The following SEC14L6 variants were observed in gnomAD, a reference collection of about 807,000 sequenced individuals.
The protein encoded by SEC14L6 is SEC14-like protein 6.
Under a neutral mutation model 54.1 loss-of-function variants are expected in SEC14L6, and 40 were observed. The ratio of observed to expected loss-of-function variants is 0.74; its 90% confidence interval spans 0.57 to 0.96. SEC14L6 has a LOEUF of 0.96. SEC14L6 is among the 40% of genes least tolerant of loss of function. The pLI, the probability that SEC14L6 is intolerant of heterozygous loss-of-function variation, is 0.00. For synonymous variants in SEC14L6, 171 were observed against 198.4 expected, an observed-to-expected ratio of 0.86 and a Z score of 1.16; for missense variants, 471 against 498.3, an observed-to-expected ratio of 0.95 and a Z score of 0.52.
At chr22:30,540,367 CTTTTTTTTTTT>C (rs753718105) in intron 1 of SEC14L6, among the ~76,000 whole-genome samples, 6 of 114,062 alleles carry the variant, frequency 5.3e-5, no homozygotes, top group South Asian at 2.9e-4. Flanking sequence ...CTTTTTGTTC[CTTTTTTTTTTT>C]TTTTTTTTTT....
chr22:30,533,138 G>A (rs1937038760), intron 3 of SEC14L6: 13 of 985,186 alleles, frequency 1.3e-5, no homozygotes, highest in East Asian at 1.1e-4. Flanking sequence ...GCCCCCTCCC[G>A]CATGGCTGCC....
intron 5 of SEC14L6, chr22:30,532,263 T>C: frequency 1.0e-6 from 1 of 985,460 alleles, no homozygotes; most frequent in Non-Finnish European, 1.2e-6. Context: ...CCTGTCCCTC[T>C]CGTCCAATGA....
chr22:30,525,996 C>T (rs1434773050), intron 8 of SEC14L6, 64 bp from the exon 9 acceptor site: 2 of 1,541,592 alleles, frequency 1.3e-6, no homozygotes, highest in Non-Finnish European at 1.8e-6. Flanking sequence ...GCAGAGGGGG[C>T]TGAGCCCAGG....
intron 2 of SEC14L6, 56 bp downstream of exon 2, chr22:30,538,771 A>G: frequency 8.2e-7 from 1 of 1,217,102 alleles, no homozygotes; most frequent in Non-Finnish European, 1.2e-6. Context: ...ATAGATACCA[A>G]ATACACTCCT....
At position 30,534,007 on chromosome 22, in the gene SEC14L6, T is replaced by C. The variant is rs1172124152; in HGVS notation, c.163A>G (p.Met55Val). Residue 55 changes from methionine to valine, a missense_variant, in exon 3 of 12, where the codon ATG (methionine) becomes GTG (valine). Met to Val is a conservative substitution (Grantham distance 21). Coordinates refer to ENST00000402034, the MANE Select transcript of SEC14L6 (RefSeq NM_001193336.4). Reference protein sequence around the residue: ...RSFDLQKSEDMLRKHMEFRKQ... With the variant: ...RSFDLQKSEDVLRKHMEFRKQ... ...GGTGTCAACCTCACCTTCCTCAGCA[T>C]GTCCTCTGATTTCTGCAGGTCAAAG... 3.9e-6 allele frequency: 6 copies of C among 1,550,830 alleles called. No homozygotes were observed. Among genetic ancestry groups the C allele is most frequent in the Admixed American group, 2.0e-5 (1 of 51,002 alleles).
Position 30,525,640 on chromosome 22 carries a change from G to A in SEC14L6, c.882C>T (p.Asn294=), listed in dbSNP as rs565011075. 142 of 1,609,278 alleles carry A rather than the reference G, an allele frequency of 8.8e-5. No homozygotes were observed. In the East Asian group the frequency reaches 1.1e-3, roughly 12 times the overall value. ...GCACACAGCCCGGGAACAGGATCTCGTTCTCCACCTGCAGGGAGGAGCCGC... is the reference window on the plus strand; with the variant it reads ...GCACACAGCCCGGGAACAGGATCTCATTCTCCACCTGCAGGGAGGAGCCGC... ...VGRGSSLQVE[N]EILFPGCVLR... Residue 294 remains asparagine (N), a synonymous_variant, in exon 10 of 12, where the codon AAC becomes AAT. Transcript: ENST00000402034.
intron 5 of SEC14L6, 135 bp downstream of exon 5, chr22:30,532,390 T>A: frequency 7.6e-7 from 1 of 1,307,960 alleles, no homozygotes; most frequent in Non-Finnish European, 1.0e-6. Flanking sequence ...TTGGCCTCTC[T>A]GAACCTGCAT....
At chr22:30,539,672 T>C (rs2085665359) in intron 1 of SEC14L6, among the ~76,000 whole-genome samples, 1 of 152,234 alleles carries the variant, frequency 6.6e-6, no homozygotes, top group African/African-American at 2.4e-5. Flanking sequence ...TAAACTGAAT[T>C]TGTCTTAATT....
chr22:30,535,234 C>G (rs1241493400), intron 2 of SEC14L6, among the ~76,000 whole-genome samples: 1 of 152,148 alleles, frequency 6.6e-6, no homozygotes, highest in Non-Finnish European at 1.5e-5. Context: ...TCCTAGCGGC[C>G]CCAGCAGGCT....
At chr22:30,527,187 C>T (rs1235748038) in intron 8 of SEC14L6, among the ~76,000 whole-genome samples, 2 of 151,592 alleles carry the variant, frequency 1.3e-5, no homozygotes, top group East Asian at 1.9e-4. Context: ...TATGGACTTA[C>T]GTGATCCTCC....
chr22:30,533,207 C>T, intron 3 of SEC14L6: 3 of 954,684 alleles, frequency 3.1e-6, no homozygotes, highest in Non-Finnish European at 2.5e-6. Context: ...ACCTATACCC[C>T]CCTACAAGGC....
Position 30,532,018 on chromosome 22 carries a change from G to A in SEC14L6, c.424-20C>T, listed in dbSNP as rs756396742. On this transcript the variant is annotated intron_variant, in intron 5 of 11. Transcript: ENST00000402034. The stretch of plus-strand genomic sequence containing the variant: ...CCCCAGCTGCAAGGGAATGACAGGG[G>A]GTGAGACCCTGTGAGGGCCACTGCC... 1.9e-6 allele frequency: 3 copies of A among 1,545,892 alleles called. 1 individual carries two copies. The South Asian group carries it at 3.6e-5, about 18-fold the overall frequency.
intron 6 of SEC14L6, among the ~76,000 whole-genome samples, chr22:30,531,434 A>AG (rs369192441): frequency 3.8e-4 from 56 of 148,726 alleles, no homozygotes; most frequent in Non-Finnish European, 6.3e-4. Flanking sequence ...AGAAAAGAAA[A>AG]AAAAAACGGG....
chr22:30,543,698 G>A (rs1033795881), intron 1 of SEC14L6: 62 of 1,609,040 alleles, frequency 3.9e-5, no homozygotes, highest in Admixed American at 8.3e-5. Context: ...ATTGTGGTGG[G>A]CGTGGTGTGC....
intron 6 of SEC14L6, among the ~76,000 whole-genome samples, chr22:30,530,278 C>G (rs898873695): frequency 5.3e-5 from 8 of 152,010 alleles, no homozygotes; most frequent in Admixed American, 2.6e-4. Context: ...GGCGTGGTGG[C>G]GGGCACCTGT....
chr22:30,537,075 C>G (rs2085613345), intron 2 of SEC14L6, among the ~76,000 whole-genome samples: 1 of 150,948 alleles, frequency 6.6e-6, no homozygotes, highest in African/African-American at 2.4e-5. Context: ...GTACCCAGTG[C>G]CTGGTACAGA....
At chr22:30,531,134 G>A (rs1413822194) in intron 6 of SEC14L6, among the ~76,000 whole-genome samples, 1 of 152,144 alleles carries the variant, frequency 6.6e-6, no homozygotes, top group Admixed American at 6.6e-5. Context: ...TAGGCCAGGT[G>A]CGGCGGTTCA....
At chr22:30,530,558 G>C (rs920530895) in intron 6 of SEC14L6, among the ~76,000 whole-genome samples, 1 of 152,136 alleles carries the variant, frequency 6.6e-6, no homozygotes, top group African/African-American at 2.4e-5. Context: ...ACACCACTAC[G>C]CCCAGCGAAT....
intron 8 of SEC14L6, among the ~76,000 whole-genome samples, chr22:30,528,422 C>CTTT (rs375073961): frequency 5.7e-5 from 6 of 105,516 alleles, no homozygotes; most frequent in East Asian, 2.5e-4. Context: ...CGCTCGGCCT[C>CTTT]TTTTTTTTTT....
Sources: allele counts gnomAD v4.1 joint callset (sites outside exome capture counted in the v4.1 genomes callset), GRCh38; gene constraint gnomAD v4.1.1; transcripts MANE v1.5; gene names NCBI Gene and HGNC (gene_info 2026-07-23, HGNC 2026-07-21).